MKX: variants seen among roughly 807,000 people sequenced by gnomAD.
The protein encoded by MKX is mohawk homeobox.
MKX carries 13 observed loss-of-function variants against 36.0 expected under a neutral mutation model. That is an observed-to-expected ratio of 0.36 (90% CI 0.24 to 0.57). The LOEUF is 0.57. Among genes scored for constraint, MKX ranks in the 20% least tolerant of loss-of-function variants. The probability of loss-of-function intolerance (pLI) is 0.79; values close to 1 mark genes in which losing one functional copy is unlikely to be tolerated. For synonymous variants in MKX, 176 were observed against 178.3 expected (o/e 0.99, Z 0.10); for missense variants, 458 against 456.4 (o/e 1.00, Z -0.03).
intron 5 of MKX, among the ~76,000 whole-genome samples, chr10:27,706,561 G>GTA: frequency 6.6e-6 from 1 of 151,890 alleles, no homozygotes; most frequent in Non-Finnish European, 1.5e-5. Context: ...GTGTGTGTGT[G>GTA]TGTGTGTGTG....
chr10:27,696,277 G>C (rs1564350146), intron 5 of MKX, among the ~76,000 whole-genome samples: 1 of 152,142 alleles, frequency 6.6e-6, no homozygotes, highest in Non-Finnish European at 1.5e-5. Flanking sequence ...ATAGATATAA[G>C]AGTAGCAAAC....
chr10:27,681,218 G>A (rs1014369026), intron 5 of MKX, among the ~76,000 whole-genome samples: 10 of 152,240 alleles, frequency 6.6e-5, no homozygotes, highest in East Asian at 3.9e-4. Flanking sequence ...AGGCTGAGGC[G>A]GGTGAATCAC....
chr10:27,682,983 C>T (rs548437046), intron 5 of MKX, among the ~76,000 whole-genome samples: 3 of 145,788 alleles, frequency 2.1e-5, no homozygotes, highest in Admixed American at 6.9e-5. Context: ...GACTCGGTCT[C>T]GAAAAAAAAA....
At position 27,743,304 on chromosome 10, in the gene MKX, G is replaced by C. The variant is rs755439228; in HGVS notation, c.112C>G (p.His38Asp). Residue 38 changes from histidine (H) to aspartate (D), a missense_variant, in exon 2 of 7, where the codon CAC becomes GAC. Physicochemically the swap from His to Asp is moderately conservative, Grantham distance 81. This residue lies in a region of MKX where 149 missense variants were observed against 114.3 expected (regional missense o/e 1.30). Transcript: ENST00000419761. Reference protein sequence around the residue: ...RPYSGVLDSPHARPEVGIPDG... With the variant: ...RPYSGVLDSPDARPEVGIPDG... ...GGAATGCCCACCTCGGGGCGGGCGT[G>C]AGGACTGTCCAGGACACCGCTGTAG... 7 of 1,562,228 alleles carry C rather than the reference G, an allele frequency of 4.5e-6. No individual in the cohort carries two copies. The highest frequency in any genetic ancestry group is 6.0e-6 in the Non-Finnish European group (7 of 1,160,034).
At chr10:27,717,481 A>T (rs530350490) in intron 5 of MKX, among the ~76,000 whole-genome samples, 82 of 152,310 alleles carry the variant, frequency 5.4e-4, no homozygotes, top group African/African-American at 1.9e-3. Flanking sequence ...GTTCCTGGCC[A>T]TGTAGGTACC....
At chr10:27,705,446 C>T (rs1453906847) in intron 5 of MKX, among the ~76,000 whole-genome samples, 1 of 152,154 alleles carries the variant, frequency 6.6e-6, no homozygotes, top group Non-Finnish European at 1.5e-5. Context: ...ACTCAAACTT[C>T]TGGGCTCAAG....
intron 5 of MKX, among the ~76,000 whole-genome samples, chr10:27,687,969 T>C (rs1836388372): frequency 6.6e-6 from 1 of 152,228 alleles, no homozygotes; most frequent in Non-Finnish European, 1.5e-5. Context: ...ACTCTAGACC[T>C]AGACAGCATG....
intron 3 of MKX, among the ~76,000 whole-genome samples, chr10:27,737,152 C>T (rs1266271658): frequency 2.0e-5 from 3 of 152,162 alleles, no homozygotes; most frequent in South Asian, 2.1e-4. Context: ...CACAAGGAGC[C>T]TGATCCCTTT....
chr10:27,712,093 C>T, intron 5 of MKX, among the ~76,000 whole-genome samples: 1 of 152,114 alleles, frequency 6.6e-6, no homozygotes, highest in East Asian at 1.9e-4. Context: ...CACCAGCTGT[C>T]CTGGCTTGGA....
intron 5 of MKX, among the ~76,000 whole-genome samples, chr10:27,732,614 T>A (rs553737312): frequency 1.3e-5 from 2 of 152,318 alleles, no homozygotes; most frequent in Non-Finnish European, 1.5e-5. Context: ...TGACCTTTTT[T>A]TATTTTATTT....
intron 5 of MKX, among the ~76,000 whole-genome samples, chr10:27,685,531 C>A (rs1428084183): frequency 6.6e-6 from 1 of 151,474 alleles, no homozygotes; most frequent in Non-Finnish European, 1.5e-5. Flanking sequence ...TCACTGCAAG[C>A]TCCGCCTCCC....
At chr10:27,729,343 G>C (rs1834569391) in intron 5 of MKX, among the ~76,000 whole-genome samples, 1 of 146,084 alleles carries the variant, frequency 6.8e-6, no homozygotes, top group Non-Finnish European at 1.5e-5. Flanking sequence ...GCCCAGACTG[G>C]AGTGCAGTGG....
Position 27,675,399 on chromosome 10 carries a change from C to A in MKX, c.889G>T (p.Gly297Ter). The stretch of plus-strand genomic sequence containing the variant: ...CAATACGTGTCATCCTTGCTTGGTC[C>A]TTTTCTGTTAGCTGCGCTGGAGTTA... ...NKGESAANRK[G>*]PSKDDTYWKE... The change falls in exon 7 of 7, where the codon GGA becomes TGA. Residue 297 changes from glycine (G) to a stop codon, truncating the protein, a stop_gained. Coordinates refer to ENST00000419761, the MANE Select transcript of MKX (RefSeq NM_173576.3). LOFTEE classifies it high-confidence loss of function. The A allele has an allele frequency of 6.2e-7, 1 of 1,614,142 alleles. No homozygotes were observed. Among genetic ancestry groups the A allele is most frequent in the Non-Finnish European group, 8.5e-7 (1 of 1,180,044 alleles).
intron 5 of MKX, among the ~76,000 whole-genome samples, chr10:27,681,001 G>T (rs576626093): frequency 3.3e-5 from 5 of 152,194 alleles, no homozygotes; most frequent in Admixed American, 1.3e-4. Flanking sequence ...ACAGTTGTGC[G>T]CCACCTAACG....
intron 5 of MKX, among the ~76,000 whole-genome samples, chr10:27,708,763 C>T (rs1362919316): frequency 6.7e-6 from 1 of 149,612 alleles, no homozygotes; most frequent in Non-Finnish European, 1.5e-5. Flanking sequence ...GATAATATGT[C>T]GAGTACCAGG....
intron 3 of MKX, among the ~76,000 whole-genome samples, chr10:27,736,218 C>A (rs555413661): frequency 6.6e-6 from 1 of 152,054 alleles, no homozygotes; most frequent in Non-Finnish European, 1.5e-5. Flanking sequence ...GGGATCTGTT[C>A]GCTTCCAAAA....
At chr10:27,695,443 A>G (rs890168375) in intron 5 of MKX, among the ~76,000 whole-genome samples, 3 of 152,092 alleles carry the variant, frequency 2.0e-5, no homozygotes, top group Admixed American at 6.5e-5. Flanking sequence ...CAGAAAAAAA[A>G]AAAAATCTCA....
intron 5 of MKX, among the ~76,000 whole-genome samples, chr10:27,705,995 C>A (rs139048589): frequency 6.6e-6 from 1 of 152,150 alleles, no homozygotes; most frequent in African/African-American, 2.4e-5. Flanking sequence ...TTTTCACCTT[C>A]GAGACTGAAA....
intron 5 of MKX, among the ~76,000 whole-genome samples, chr10:27,687,668 T>A (rs753477168): frequency 6.6e-6 from 1 of 152,236 alleles, no homozygotes; most frequent in Non-Finnish European, 1.5e-5. Flanking sequence ...TCGTTTTCAC[T>A]AAGCACATTA....
Sources: allele counts gnomAD v4.1 joint callset (sites outside exome capture counted in the v4.1 genomes callset), GRCh38; gene constraint gnomAD v4.1.1; regional missense constraint gnomAD v4.1.1; transcripts MANE v1.5; gene names NCBI Gene and HGNC (gene_info 2026-07-23, HGNC 2026-07-21).